PALM2AKAP2: variants seen among roughly 807,000 people sequenced by gnomAD.
The protein encoded by PALM2AKAP2 is PALM2 and AKAP2 fusion.
In PALM2AKAP2, 37 loss-of-function variants were observed where a neutral mutation model predicts 71.5. That is an observed-to-expected ratio of 0.52 (90% CI 0.40 to 0.68). PALM2AKAP2 has a LOEUF of 0.68. PALM2AKAP2 is among the 30% of genes least tolerant of loss of function. PALM2AKAP2 has a pLI of 0.00. For synonymous variants in PALM2AKAP2, 468 were observed against 478.8 expected (o/e 0.98, Z 0.29); for missense variants, 1,224 against 1,191.8 (o/e 1.03, Z -0.40).
At chr9:109,990,515 C>A (rs1459461797) in intron 6 of PALM2AKAP2, among the ~76,000 whole-genome samples, 1 of 152,168 alleles carries the variant, frequency 6.6e-6, no homozygotes, top group African/African-American at 2.4e-5. Flanking sequence ...TGTAAGCGTA[C>A]CCCAAGTTGA....
chr9:109,849,081 A>G (rs1828938960), intron 1 of PALM2AKAP2, among the ~76,000 whole-genome samples: 1 of 152,112 alleles, frequency 6.6e-6, no homozygotes, highest in African/African-American at 2.4e-5. Context: ...CAAGGATGGA[A>G]GCAAGGAGGG....
intron 1 of PALM2AKAP2, among the ~76,000 whole-genome samples, chr9:109,651,559 A>G (rs1241653674): frequency 6.6e-6 from 1 of 152,232 alleles, no homozygotes; most frequent in Admixed American, 6.5e-5. Flanking sequence ...ATGTGAGGAT[A>G]GAAGCACTGA....
chr9:109,824,795 T>C (rs547810605), intron 1 of PALM2AKAP2, among the ~76,000 whole-genome samples: 3 of 152,380 alleles, frequency 2.0e-5, no homozygotes, highest in South Asian at 2.1e-4. Flanking sequence ...AACAGCTGTG[T>C]CTGCCATGTA....
rs575245770 is a variant in PALM2AKAP2, at chr9:109,720,033, G to C, written c.6-60455G>C. On this transcript the variant is annotated intron_variant, in intron 1 of 6. Transcript: ENST00000374531. ...AGATGGAGTCTCACTCTGTCACCCA[G>C]GCTAGAGTGCAGTGGCGTGATCTCC... 2.6e-5 allele frequency among the ~76,000 whole-genome samples: 4 copies of C among 151,574 alleles called. No individual in the cohort carries two copies. In the East Asian group the frequency reaches 7.8e-4, roughly 29 times the overall value.
intron 3 of PALM2AKAP2, among the ~76,000 whole-genome samples, chr9:110,161,033 G>A (rs1836582023): frequency 6.6e-6 from 1 of 152,172 alleles, no homozygotes; most frequent in African/African-American, 2.4e-5. Context: ...TGTGAAGGAA[G>A]CCTATCTGCC....
At chr9:109,760,960 T>C (rs1000581242) in intron 1 of PALM2AKAP2, among the ~76,000 whole-genome samples, 130 of 152,322 alleles carry the variant, frequency 8.5e-4, no homozygotes, top group African/African-American at 3.0e-3. Flanking sequence ...TCCCAACACA[T>C]GCATTGAAGG....
intron 1 of PALM2AKAP2, among the ~76,000 whole-genome samples, chr9:109,685,224 A>G (rs147702331): frequency 1.5e-3 from 225 of 152,312 alleles, no homozygotes; most frequent in African/African-American, 5.1e-3. Context: ...ACCATAGTGG[A>G]AATCCCATGA....
At chr9:109,991,403 AT>A (rs1832478996) in intron 6 of PALM2AKAP2, among the ~76,000 whole-genome samples, 1 of 151,592 alleles carries the variant, frequency 6.6e-6, no homozygotes, top group Admixed American at 6.6e-5. Context: ...CACCCAGCTA[AT>A]TTAAATTTTT....
intron 2 of PALM2AKAP2, among the ~76,000 whole-genome samples, chr9:110,141,477 G>A (rs890126860): frequency 3.3e-5 from 5 of 152,194 alleles, no homozygotes; most frequent in Admixed American, 3.3e-4. Flanking sequence ...TGAAAGAAAC[G>A]GAATGTAAAA....
chr9:109,921,243 G>C (rs888179352), intron 3 of PALM2AKAP2, among the ~76,000 whole-genome samples: 7 of 152,088 alleles, frequency 4.6e-5, no homozygotes, highest in Admixed American at 4.6e-4. Flanking sequence ...TTCAATGTAG[G>C]TGTATTGAGC....
At chr9:109,757,392 C>G (rs1999004) in intron 1 of PALM2AKAP2, among the ~76,000 whole-genome samples, 71,534 of 151,894 alleles carry the variant, frequency 0.47, 17,102 homozygotes, top group South Asian at 0.55. Context: ...GAAATAAAAG[C>G]CTTTGATGCC....
chr9:110,036,181 C>T (rs1833406911), intron 7 of PALM2AKAP2, among the ~76,000 whole-genome samples: 2 of 152,100 alleles, frequency 1.3e-5, no homozygotes, highest in African/African-American at 4.8e-5. Flanking sequence ...GTGATCCACC[C>T]GCCTTGGCCT....
chr9:109,696,110 A>C (rs1827966336), intron 1 of PALM2AKAP2, among the ~76,000 whole-genome samples: 1 of 152,204 alleles, frequency 6.6e-6, no homozygotes, highest in Non-Finnish European at 1.5e-5. Flanking sequence ...TAAATGTATC[A>C]AAATATCAAA....
intron 3 of PALM2AKAP2, among the ~76,000 whole-genome samples, chr9:109,919,733 ATATG>A (rs1176641116): frequency 3.5e-5 from 3 of 85,078 alleles, no homozygotes; most frequent in Non-Finnish European, 7.1e-5. Context: ...GTGTGTATAC[ATATG>A]TGTGTGTGTG....
At chr9:109,693,535 A>G (rs576330730) in intron 1 of PALM2AKAP2, among the ~76,000 whole-genome samples, 1 of 152,106 alleles carries the variant, frequency 6.6e-6, no homozygotes, top group Non-Finnish European at 1.5e-5. Context: ...GTAAGGTGGA[A>G]GATTAGATAA....
At chr9:110,091,523 C>T (rs552251010) in intron 1 of PALM2AKAP2, among the ~76,000 whole-genome samples, 16 of 132,052 alleles carry the variant, frequency 1.2e-4, no homozygotes, top group Non-Finnish European at 2.0e-4. Context: ...GGTGCAGTAG[C>T]ACGATCTCCG....
intron 6 of PALM2AKAP2, among the ~76,000 whole-genome samples, chr9:110,002,471 G>T (rs756494840): frequency 6.6e-6 from 1 of 151,844 alleles, no homozygotes; most frequent in East Asian, 1.9e-4. Flanking sequence ...ATGTTCATCA[G>T]GGATATTGGT....
intron 7 of PALM2AKAP2, among the ~76,000 whole-genome samples, chr9:110,023,855 G>T (rs1833123683): frequency 6.6e-6 from 1 of 152,030 alleles, no homozygotes; most frequent in Non-Finnish European, 1.5e-5. Context: ...AGCTGAGTGT[G>T]GTAGCATGTG....
intron 1 of PALM2AKAP2, among the ~76,000 whole-genome samples, chr9:110,091,052 A>G (rs762017433): frequency 6.6e-6 from 1 of 152,076 alleles, no homozygotes; most frequent in East Asian, 1.9e-4. Flanking sequence ...GAAAACAACT[A>G]CATGAGCTCT....
Sources: gnomAD v4.1 joint callset for allele counts (sites outside exome capture counted in the v4.1 genomes callset) on GRCh38, gnomAD v4.1.1 for gene constraint, MANE v1.5 for transcripts, NCBI Gene and HGNC (gene_info 2026-07-23, HGNC 2026-07-21) for gene names.